PHLDB2: variants seen among roughly 807,000 people sequenced by gnomAD.
PHLDB2 encodes pleckstrin homology like domain family B member 2.
Under a neutral mutation model 123.6 loss-of-function variants are expected in PHLDB2, and 71 were observed. That is an observed-to-expected ratio of 0.57 (90% confidence interval 0.47 to 0.70). The LOEUF (loss-of-function observed/expected upper bound fraction) is 0.70. Among genes scored for constraint, PHLDB2 ranks in the 30% least tolerant of loss-of-function variants. The pLI is 0.00. For missense variants in PHLDB2, 1,446 were observed against 1,519.5 expected (o/e 0.95, Z 0.80); for synonymous variants, 547 against 541.6 (o/e 1.01, Z -0.14).
intron 2 of PHLDB2, among the ~76,000 whole-genome samples, chr3:111,898,179 TG>T (rs2066983323): frequency 8.3e-6 from 1 of 120,354 alleles, no homozygotes; most frequent in African/African-American, 3.3e-5. Flanking sequence ...TGTGTGTGTG[TG>T]TTTGTGTGTG....
Position 111,884,593 on chromosome 3 carries a change from A to G in PHLDB2, c.516A>G (p.Ala172=), listed in dbSNP as rs748277743. The change falls in exon 2 of 18, where the codon GCA becomes GCG. Residue 172 remains alanine (A), a synonymous_variant. Coordinates refer to ENST00000431670, the MANE Select transcript of PHLDB2 (RefSeq NM_001134438.2). ...YSLGGLEGRK[A]SGSLLAMWNG... Reference sequence around the variant, plus strand: ...TTGGAGGGCTGGAAGGTCGGAAGGCATCTGGCTCGCTCCTGGCCATGTGGA... The same window carrying G: ...TTGGAGGGCTGGAAGGTCGGAAGGCGTCTGGCTCGCTCCTGGCCATGTGGA... The G allele has an allele frequency of 5.0e-6, 8 of 1,614,060 alleles. No individual in the cohort carries two copies. Among genetic ancestry groups the G allele is most frequent in the South Asian group, 1.1e-5 (1 of 91,086 alleles).
intron 5 of PHLDB2, among the ~76,000 whole-genome samples, chr3:111,925,735 A>G (rs2068776038): frequency 6.6e-6 from 1 of 152,174 alleles, no homozygotes; most frequent in Non-Finnish European, 1.5e-5. Context: ...TCTACTCCCC[A>G]TCCCCATTCC....
At chr3:111,810,528 G>A (rs774874518) in intron 1 of PHLDB2, among the ~76,000 whole-genome samples, 7 of 151,960 alleles carry the variant, frequency 4.6e-5, no homozygotes, top group Non-Finnish European at 1.0e-4. Context: ...GTGAAGAGAG[G>A]GCTCTGTCTG....
In PHLDB2 at chr3:111,952,626, A is replaced by T. The variant is rs575442754; in HGVS notation, c.2686A>T (p.Ser896Cys). ...ACAGCATAAAGAAGGCCTCTATCTG[A>T]GTGATACTTTGCCTCGAAAGAAAAC... ...KKQHKEGLYL[S>C]DTLPRKKTTS... is the part of the protein sequence containing the mutation. The change falls in exon 11 of 18, where the codon AGT becomes TGT. Residue 896 changes from serine to cysteine, a missense_variant. By Grantham distance (112) the Ser-to-Cys change is moderately radical. Transcript: ENST00000431670. 6.2e-7 allele frequency: 1 copy of T among 1,613,986 alleles called. No homozygotes were observed. The highest frequency in any genetic ancestry group is 8.5e-7 in the Non-Finnish European group (1 of 1,179,916).
intron 1 of PHLDB2, chr3:111,779,985 T>G: frequency 5.9e-6 from 3 of 508,242 alleles, no homozygotes; most frequent in Non-Finnish European, 7.6e-6. Flanking sequence ...CTCTGACATG[T>G]GTCTATTCAC....
chr3:111,777,892 T>G (rs2060294358), intron 1 of PHLDB2, among the ~76,000 whole-genome samples: 1 of 132,644 alleles, frequency 7.5e-6, no homozygotes, highest in Non-Finnish European at 1.6e-5. Context: ...TGTTACATAT[T>G]CTTCTACATC....
At chr3:111,913,280 C>T (rs1559899965) in intron 2 of PHLDB2, 39 bp from the exon 3 acceptor site, 4 of 1,535,768 alleles carry the variant, frequency 2.6e-6, no homozygotes, top group Admixed American at 4.2e-5. Flanking sequence ...TATTCATTCT[C>T]ACAAACCCAC....
intron 1 of PHLDB2, among the ~76,000 whole-genome samples, chr3:111,877,053 A>G (rs1255197879): frequency 5.3e-5 from 8 of 152,222 alleles, no homozygotes; most frequent in Non-Finnish European, 1.0e-4. Flanking sequence ...TCTTTATAGT[A>G]GAATGATTTA....
At chr3:111,740,873 A>T (rs1039285812) in intron 1 of PHLDB2, among the ~76,000 whole-genome samples, 5 of 151,754 alleles carry the variant, frequency 3.3e-5, no homozygotes, top group Middle Eastern at 3.4e-3. Context: ...TACAGACCTC[A>T]ATGCCTCATT....
Position 111,913,589 on chromosome 3 carries a change from A to G in PHLDB2, c.1606A>G (p.Arg536Gly), listed in dbSNP as rs1055507184. ...SQSSASFFTP[R>G]STRNDELLSD... ...GAGCAGTGCCAGCTTCTTTACCCCC[A>G]GGAGCACCAGGAATGATGAACTACT... is the stretch of plus-strand genomic sequence containing the variant. The change falls in exon 3 of 18, where the codon AGG becomes GGG. Residue 536 changes from arginine (R) to glycine (G), a missense_variant. Arg to Gly is a moderately radical substitution (Grantham distance 125). Coordinates refer to ENST00000431670, the MANE Select transcript of PHLDB2 (RefSeq NM_001134438.2). 3.1e-6 allele frequency: 5 copies of G among 1,614,162 alleles called. No homozygotes were observed. Among genetic ancestry groups the G allele is most frequent in the Non-Finnish European group, 4.2e-6 (5 of 1,180,022 alleles).
At chr3:111,828,588 C>G (rs555535775) in intron 1 of PHLDB2, among the ~76,000 whole-genome samples, 10 of 152,202 alleles carry the variant, frequency 6.6e-5, no homozygotes, top group Admixed American at 3.9e-4. Context: ...CCCAGGAGTT[C>G]GAGACCAGAC....
intron 2 of PHLDB2, among the ~76,000 whole-genome samples, chr3:111,907,891 G>A (rs1314511640): frequency 6.6e-6 from 1 of 152,074 alleles, no homozygotes; most frequent in African/African-American, 2.4e-5. Context: ...CCGCCTCCTG[G>A]ACTCAAGTGA....
intron 2 of PHLDB2, among the ~76,000 whole-genome samples, chr3:111,890,539 A>G (rs2066418836): frequency 6.6e-6 from 1 of 152,264 alleles, no homozygotes; most frequent in Admixed American, 6.5e-5. Context: ...TGAAGAATGA[A>G]TAGATGCCAA....
At chr3:111,935,500 A>AAGATAGAT (rs67765854) in intron 6 of PHLDB2, among the ~76,000 whole-genome samples, 39,837 of 145,422 alleles carry the variant, frequency 0.27, 5,661 homozygotes, top group East Asian at 0.44. Flanking sequence ...ATGTGTATAT[A>AAGATAGAT]AGATAGATAG....
intron 4 of PHLDB2, among the ~76,000 whole-genome samples, chr3:111,919,634 A>T (rs1001269158): frequency 6.6e-6 from 1 of 152,202 alleles, no homozygotes. Flanking sequence ...ACGGATCAAA[A>T]ATCGATCCAG....
At chr3:111,777,513 A>G (rs1183961894) in intron 1 of PHLDB2, among the ~76,000 whole-genome samples, 1 of 152,162 alleles carries the variant, frequency 6.6e-6, no homozygotes, top group Non-Finnish European at 1.5e-5. Context: ...AAATCAGACC[A>G]GTCCACTCTC....
At chr3:111,920,189 A>G in intron 4 of PHLDB2, 93 bp from the exon 5 acceptor site, 1 of 1,432,632 alleles carries the variant, frequency 7.0e-7, no homozygotes, top group Non-Finnish European at 9.4e-7. Flanking sequence ...TTACTTTTGG[A>G]AATTTGTAGC....
intron 1 of PHLDB2, among the ~76,000 whole-genome samples, chr3:111,734,591 T>C (rs1226722515): frequency 2.0e-5 from 3 of 152,126 alleles, no homozygotes; most frequent in Non-Finnish European, 4.4e-5. Flanking sequence ...ATTTCCTGAA[T>C]ATTGGATAGT....
At chr3:111,767,742 G>T (rs2060107448) in intron 1 of PHLDB2, among the ~76,000 whole-genome samples, 1 of 152,114 alleles carries the variant, frequency 6.6e-6, no homozygotes, top group Non-Finnish European at 1.5e-5. Flanking sequence ...ACCCTTGTAG[G>T]TATTCTTACC....
Sources: allele counts gnomAD v4.1 joint callset (sites outside exome capture counted in the v4.1 genomes callset), GRCh38; gene constraint gnomAD v4.1.1; transcripts MANE v1.5; gene names NCBI Gene and HGNC (gene_info 2026-07-23, HGNC 2026-07-21).